CUX1: variants seen among roughly 807,000 people sequenced by gnomAD.
CUX1 encodes the protein cut like homeobox 1.
In CUX1, 31 loss-of-function variants were observed where a neutral mutation model predicts 158.8. The ratio of observed to expected loss-of-function variants is 0.20; its 90% CI spans 0.15 to 0.26. CUX1 has a LOEUF of 0.26. Ranked by LOEUF, CUX1 falls within the 10% of genes least tolerant of loss-of-function variation. CUX1 has a pLI of 1.00. For synonymous variants in CUX1, 879 were observed against 862.1 expected (o/e 1.02, Z -0.34); for missense variants, 1,589 against 2,014.6 (o/e 0.79, Z 4.04).
intron 2 of CUX1, among the ~76,000 whole-genome samples, chr7:101,983,269 T>C (rs548920308): frequency 6.6e-5 from 10 of 152,336 alleles, no homozygotes; most frequent in Admixed American, 2.0e-4. Flanking sequence ...AATTATTCTT[T>C]GGGTGACAAC....
At chr7:101,844,195 C>T (rs1445317650) in intron 1 of CUX1, among the ~76,000 whole-genome samples, 1 of 150,410 alleles carries the variant, frequency 6.6e-6, no homozygotes, top group Non-Finnish European at 1.5e-5. Context: ...CCCCCGCCCC[C>T]GCCCCCAACC....
At chr7:102,263,010 ACTT>A (rs1219858312), downstream of CUX1, among the ~76,000 whole-genome samples, 2 of 96,392 alleles carry the variant, frequency 2.1e-5, no homozygotes, top group Non-Finnish European at 2.0e-5. Flanking sequence ...AAAGGGTTAA[ACTT>A]TTTTTTTTTT....
chr7:102,239,062 C>T (rs1554533844), intron 22 of CUX1, among the ~76,000 whole-genome samples: 1 of 152,058 alleles, frequency 6.6e-6, no homozygotes, highest in Non-Finnish European at 1.5e-5. Context: ...GATTTTTGTA[C>T]TTTTAGTAGA....
intron 21 of CUX1, among the ~76,000 whole-genome samples, chr7:102,228,920 T>G (rs551945900): frequency 7.7e-4 from 118 of 152,318 alleles, no homozygotes; most frequent in African/African-American, 2.7e-3. Context: ...CGGTTCTCAC[T>G]CTGCTCACTG....
intron 2 of CUX1, among the ~76,000 whole-genome samples, chr7:101,918,225 C>T (rs1804472230): frequency 6.6e-6 from 1 of 152,238 alleles, no homozygotes; most frequent in Admixed American, 6.5e-5. Flanking sequence ...TCCTTATGCT[C>T]TGCTGATAAA....
At chr7:102,283,408 G>A (rs576756177) in exon 23 of CUX1, 533 of 381,508 alleles carry the variant, frequency 1.4e-3, no homozygotes, top group Non-Finnish European at 2.3e-3. Flanking sequence ...CCTCAGCTGC[G>A]AGGCTAATTG....
chr7:102,237,289 A>G (rs1297754487), intron 22 of CUX1, among the ~76,000 whole-genome samples: 2 of 151,916 alleles, frequency 1.3e-5, no homozygotes, highest in Admixed American at 6.6e-5. Context: ...CAGTGATGCA[A>G]TCATAGCTCA....
At chr7:102,198,237 G>C (rs1317403425) in intron 15 of CUX1, among the ~76,000 whole-genome samples, 1 of 152,196 alleles carries the variant, frequency 6.6e-6, no homozygotes, top group East Asian at 1.9e-4. Flanking sequence ...TCCAGTCTGG[G>C]CAACAGAGTG....
At chr7:101,928,361 TTTTTTTC>T (rs1192675966) in intron 2 of CUX1, among the ~76,000 whole-genome samples, 1 of 151,808 alleles carries the variant, frequency 6.6e-6, no homozygotes, top group African/African-American at 2.4e-5. Context: ...AATGGCCTTT[TTTTTTTC>T]TTTTTTCTTT....
At chr7:101,870,520 C>G (rs971631427) in intron 1 of CUX1, among the ~76,000 whole-genome samples, 15 of 152,100 alleles carry the variant, frequency 9.9e-5, no homozygotes, top group African/African-American at 3.6e-4. Flanking sequence ...CAAAGCAGGG[C>G]ATTCTTTCCT....
At chr7:102,149,059 G>A (rs1835329979) in intron 8 of CUX1, among the ~76,000 whole-genome samples, 2 of 152,136 alleles carry the variant, frequency 1.3e-5, no homozygotes, top group Admixed American at 6.5e-5. Context: ...TATTCAAAGG[G>A]TGTGGGAAGA....
At chr7:101,872,690 T>C (rs1798702901) in intron 1 of CUX1, among the ~76,000 whole-genome samples, 1 of 152,130 alleles carries the variant, frequency 6.6e-6, no homozygotes, top group Non-Finnish European at 1.5e-5. Flanking sequence ...TATGTGTCAA[T>C]AGGATTTAGG....
intron 1 of CUX1, among the ~76,000 whole-genome samples, chr7:101,848,051 CAAAAAAAAA>C (rs57428019): frequency 1.5e-5 from 1 of 65,378 alleles, no homozygotes; most frequent in African/African-American, 6.6e-5. Context: ...GAGCAAGACT[CAAAAAAAAA>C]AAAAAAAAAA....
At chr7:101,885,782 C>G (rs1800161827) in intron 1 of CUX1, among the ~76,000 whole-genome samples, 1 of 152,192 alleles carries the variant, frequency 6.6e-6, no homozygotes, top group Admixed American at 6.5e-5. Context: ...CCAGCTCTCC[C>G]TGACGAGGCT....
chr7:102,213,056 C>T (rs1400358353), intron 20 of CUX1, among the ~76,000 whole-genome samples: 1 of 152,048 alleles, frequency 6.6e-6, no homozygotes, highest in Non-Finnish European at 1.5e-5. Flanking sequence ...GTTGCTCAGG[C>T]TGGCCTCGAA....
intron 21 of CUX1, chr7:102,282,010 C>A: frequency 1.1e-6 from 1 of 899,080 alleles, no homozygotes; most frequent in Admixed American, 1.8e-5. Context: ...GTGGCCTGGC[C>A]CCTGGGCCTA....
intron 10 of CUX1, among the ~76,000 whole-genome samples, chr7:102,176,322 C>T (rs553069535): frequency 3.3e-5 from 5 of 152,148 alleles, no homozygotes; most frequent in Admixed American, 6.5e-5. Context: ...GCTGGGGCCA[C>T]GGTGCCACCC....
chr7:102,025,772 C>A (rs968908989), intron 2 of CUX1, among the ~76,000 whole-genome samples: 4 of 152,136 alleles, frequency 2.6e-5, no homozygotes, highest in Non-Finnish European at 5.9e-5. Context: ...AGAAATGCAT[C>A]CTTTGGAACA....
At chr7:102,203,643 T>C (rs1221441960) in intron 18 of CUX1, among the ~76,000 whole-genome samples, 2 of 152,192 alleles carry the variant, frequency 1.3e-5, no homozygotes, top group Non-Finnish European at 2.9e-5. Flanking sequence ...GGCCCGTGAG[T>C]GCAGTTTTAT....
Sources: allele counts gnomAD v4.1 joint callset (sites outside exome capture counted in the v4.1 genomes callset), GRCh38; gene constraint gnomAD v4.1.1; transcripts MANE v1.5; gene names NCBI Gene and HGNC (gene_info 2026-07-23, HGNC 2026-07-21).